Variants in PCDHGB7 observed in about 807,000 individuals in gnomAD.
The protein encoded by PCDHGB7 is protocadherin gamma-B7.
PCDHGB7 carries 37 observed loss-of-function variants against 61.4 expected under a neutral mutation model. The ratio of observed to expected loss-of-function variants is 0.60; its 90% confidence interval spans 0.46 to 0.79. The LOEUF is 0.79. Ranked by LOEUF, PCDHGB7 falls within the 30% of genes least tolerant of loss-of-function variation. The pLI, the probability that PCDHGB7 is intolerant of heterozygous loss-of-function variation, is 0.00. For missense variants in PCDHGB7, 1,166 were observed against 1,202.5 expected, an observed-to-expected ratio of 0.97 and a Z score of 0.45; for synonymous variants, 464 against 503.5, an observed-to-expected ratio of 0.92 and a Z score of 1.05.
chr5:141,441,697 C>A (rs1415018255), intron 1 of PCDHGB7: 4 of 307,190 alleles, frequency 1.3e-5, no homozygotes, highest in Non-Finnish European at 1.3e-5. Flanking sequence ...CAGCCGCGAG[C>A]CTTCAAGCTC....
Position 141,476,788 on chromosome 5 carries a change from C to G in PCDHGB7, c.2416-18019C>G. 1 of 1,613,478 alleles carries G rather than the reference C, an allele frequency of 6.2e-7. No homozygotes were observed. Among genetic ancestry groups the G allele is most frequent in the Non-Finnish European group, 8.5e-7 (1 of 1,180,032 alleles). ...CGTTGGACGGAGGGACCCCAGCTCT[C>G]TCCGCCAGCCTGCCTATTCACATCA... On this transcript the variant is annotated intron_variant, in intron 1 of 3. Coordinates refer to ENST00000398594, the MANE Select transcript of PCDHGB7 (RefSeq NM_018927.4). This position sits in a 1 kb window ranked among gnomAD's most constrained non-coding sequence, Gnocchi z 7.6.
chr5:141,484,603 G>T (rs1460433183), intron 1 of PCDHGB7, among the ~76,000 whole-genome samples: 1 of 152,008 alleles, frequency 6.6e-6, no homozygotes, highest in Non-Finnish European at 1.5e-5. Context: ...TAGAATACTG[G>T]TTGATGACAA....
rs139867523 is a variant in PCDHGB7, at chr5:141,474,274, G to A, written c.2416-20533G>A. 1.2e-4 allele frequency among the ~76,000 whole-genome samples: 19 copies of A among 152,278 alleles called. No homozygotes were observed. In the East Asian group the frequency reaches 3.3e-3, roughly 26 times the overall value. On this transcript the variant is annotated intron_variant, in intron 1 of 3. Coordinates refer to ENST00000398594, the MANE Select transcript of PCDHGB7 (RefSeq NM_018927.4). ...AAGACTGATAAACCAGTGTATCTCT[G>A]AATAACCCACTAGATCAGTGCTTGT...
intron 1 of PCDHGB7, chr5:141,433,012 G>A (rs1402902269): frequency 2.5e-6 from 4 of 1,614,054 alleles, no homozygotes; most frequent in Non-Finnish European, 3.4e-6. Flanking sequence ...CTTTCCTGCA[G>A]ACCTATTCCC....
At chr5:141,468,889 G>T (rs2099184580) in intron 1 of PCDHGB7, among the ~76,000 whole-genome samples, 1 of 151,496 alleles carries the variant, frequency 6.6e-6, no homozygotes, top group African/African-American at 2.4e-5. Flanking sequence ...ATAATAATAA[G>T]GTACTAATAT....
At chr5:141,503,325 G>A (rs1002520312) in intron 2 of PCDHGB7, among the ~76,000 whole-genome samples, 10 of 152,104 alleles carry the variant, frequency 6.6e-5, no homozygotes, top group East Asian at 1.9e-4. Flanking sequence ...GGAGGGGCGC[G>A]GTGGCTCACG....
At chr5:141,492,163 C>G (rs921256341) in intron 1 of PCDHGB7, among the ~76,000 whole-genome samples, 3 of 152,232 alleles carry the variant, frequency 2.0e-5, no homozygotes, top group Admixed American at 6.5e-5. Flanking sequence ...CCTCCCTATC[C>G]CCGCATCACC....
chr5:141,461,040 G>A (rs536064886), intron 1 of PCDHGB7, among the ~76,000 whole-genome samples: 123 of 150,514 alleles, frequency 8.2e-4, no homozygotes, highest in East Asian at 2.5e-3. Flanking sequence ...CTCATTAGTC[G>A]ATGGGGACTT....
chr5:141,447,428 G>A (rs542079336), intron 1 of PCDHGB7, among the ~76,000 whole-genome samples: 4 of 152,182 alleles, frequency 2.6e-5, no homozygotes, highest in East Asian at 1.9e-4. Flanking sequence ...GTGAGCCACC[G>A]CACCCGGAGG....
intron 1 of PCDHGB7, among the ~76,000 whole-genome samples, chr5:141,492,574 G>T (rs2099742096): frequency 6.6e-6 from 1 of 152,232 alleles, no homozygotes; most frequent in Non-Finnish European, 1.5e-5. Flanking sequence ...TGAGCGAGGC[G>T]CGGGGCCAGG....
intron 1 of PCDHGB7, chr5:141,427,617 G>C (rs1295636754): frequency 1.4e-6 from 1 of 694,694 alleles, no homozygotes. Context: ...TGAAGTCAAC[G>C]ACAATGCTCC....
Position 141,476,464 on chromosome 5 carries a change from G to A in PCDHGB7, c.2416-18343G>A, listed in dbSNP as rs745664477. On this transcript the variant is annotated intron_variant, in intron 1 of 3. Transcript: ENST00000398594. This position sits in a 1 kb window ranked among gnomAD's most constrained non-coding sequence, Gnocchi z 7.6. ...TGGAGTTGGTAGTGGAGAACCCGCT[G>A]GAGCTGTTCAGCGTGGAAGTGGTGA... 3 of 1,614,140 alleles carry A rather than the reference G, an allele frequency of 1.9e-6. No homozygotes were observed. Among genetic ancestry groups the A allele is most frequent in the Non-Finnish European group, 2.5e-6 (3 of 1,180,014 alleles).
chr5:141,418,579 A>C lies in PCDHGB7; in HGVS notation c.720A>C (p.Pro240=). ...TAATAGATGCCAATGACAACCCCCC[A>C]GTGTTCAGCCAGGACGTGTACAGGG... is the stretch of plus-strand genomic sequence containing the variant. ...ILVIDANDNP[P]VFSQDVYRVS... Residue 240 remains proline, a synonymous_variant, in exon 1 of 4, where the codon CCA becomes CCC. Transcript: ENST00000398594. 6.2e-7 allele frequency: 1 copy of C among 1,614,000 alleles called. No individual in the cohort carries two copies.
chr5:141,431,147 G>A lies in PCDHGB7; in HGVS notation c.2415+10873G>A, dbSNP rs1303502732. ...AGAAGTAAGGGACATTAACGACAAT[G>A]CGCCTTACTTTCGTGAAAGTGAATT... On this transcript the variant is annotated intron_variant, in intron 1 of 3. Coordinates refer to ENST00000398594, the MANE Select transcript of PCDHGB7 (RefSeq NM_018927.4). The surrounding 1 kb of genome is among the most constrained non-coding windows in gnomAD (Gnocchi z 4.8). 6.2e-7 allele frequency: 1 copy of A among 1,614,228 alleles called. No homozygotes were observed. The highest frequency in any genetic ancestry group is 1.7e-5 in the Admixed American group (1 of 60,030).
intron 1 of PCDHGB7, among the ~76,000 whole-genome samples, chr5:141,465,031 C>T (rs933448980): frequency 1.3e-5 from 2 of 151,958 alleles, no homozygotes; most frequent in Non-Finnish European, 1.5e-5. Context: ...CATGAACCAC[C>T]ACAAATGACC....
At chr5:141,478,584 T>G in intron 1 of PCDHGB7, 1 of 1,577,982 alleles carries the variant, frequency 6.3e-7, no homozygotes, top group Non-Finnish European at 8.6e-7. Flanking sequence ...CTGTTAGTGC[T>G]TTTTTATTCC....
Position 141,491,306 on chromosome 5 carries a change from A to G in PCDHGB7, c.2416-3501A>G. ...CTCATACACCCTCCTGAGCGTTCAGACCTTACCCTTTACCTCATTGTGGCT... is the reference window on the plus strand; with the variant it reads ...CTCATACACCCTCCTGAGCGTTCAGGCCTTACCCTTTACCTCATTGTGGCT... On this transcript the variant is annotated intron_variant, in intron 1 of 3. Coordinates refer to ENST00000398594, the MANE Select transcript of PCDHGB7 (RefSeq NM_018927.4). This position sits in a 1 kb window ranked among gnomAD's most constrained non-coding sequence, Gnocchi z 6.9. 1 of 1,614,032 alleles carries G rather than the reference A, an allele frequency of 6.2e-7. No individual in the cohort carries two copies. The highest frequency in any genetic ancestry group is 2.2e-5 in the East Asian group (1 of 44,872).
chr5:141,476,564 C>G lies in PCDHGB7; in HGVS notation c.2416-18243C>G, dbSNP rs2099393821. 1.2e-6 allele frequency: 2 copies of G among 1,614,196 alleles called. No individual in the cohort carries two copies. Among genetic ancestry groups the G allele is most frequent in the South Asian group, 1.1e-5 (1 of 91,086 alleles). ...ATTGGAGATTAGCGAGGCCGTGGCT[C>G]CGGGGACGCGCTTTCCGCTCGAGAG... On this transcript the variant is annotated intron_variant, in intron 1 of 3. Coordinates refer to ENST00000398594, the MANE Select transcript of PCDHGB7 (RefSeq NM_018927.4). This position sits in a 1 kb window ranked among gnomAD's most constrained non-coding sequence, Gnocchi z 7.6.
chr5:141,490,151 T>C lies in PCDHGB7; in HGVS notation c.2416-4656T>C, dbSNP rs1449636059. The stretch of plus-strand genomic sequence containing the variant: ...GACCCTAGCAGTGGGGCAATCCATG[T>C]GTTGGGTCCCATAGACTTTGAGGAG... On this transcript the variant is annotated intron_variant, in intron 1 of 3. Transcript: ENST00000398594. The surrounding 1 kb of genome is among the most constrained non-coding windows in gnomAD (Gnocchi z 5.4). 4 of 1,614,210 alleles carry C rather than the reference T, an allele frequency of 2.5e-6. No homozygotes were observed. The highest frequency in any genetic ancestry group is 3.4e-6 in the Non-Finnish European group (4 of 1,180,018).
Sources: allele counts gnomAD v4.1 joint callset (sites outside exome capture counted in the v4.1 genomes callset), GRCh38; gene constraint gnomAD v4.1.1; non-coding constraint Gnocchi (gnomAD v3.1); transcripts MANE v1.5; gene names NCBI Gene and HGNC (gene_info 2026-07-23, HGNC 2026-07-21).